CCSER1: variants seen among roughly 807,000 people sequenced by gnomAD.
CCSER1 encodes the protein coiled-coil serine rich protein 1, also known as serine-rich coiled-coil domain-containing protein 1.
CCSER1 carries 41 observed loss-of-function variants against 82.0 expected under a neutral mutation model. That is an observed-to-expected ratio of 0.50 (90% CI 0.39 to 0.65). The LOEUF (loss-of-function observed/expected upper bound fraction) is 0.65. Among genes scored for constraint, CCSER1 ranks in the 30% least tolerant of loss-of-function variants. The pLI is 0.00. For synonymous variants in CCSER1, 414 were observed against 383.9 expected (o/e 1.08, Z -0.92); for missense variants, 1,119 against 1,064.2 (o/e 1.05, Z -0.72).
intron 10 of CCSER1, among the ~76,000 whole-genome samples, chr4:91,161,673 A>T (rs144557789): frequency 0.021 from 3,180 of 152,182 alleles, 46 homozygotes; most frequent in Middle Eastern, 0.034. Flanking sequence ...CAATTGTGAA[A>T]GGGAGTTCAC....
At chr4:91,475,536 T>C (rs547710709) in intron 10 of CCSER1, among the ~76,000 whole-genome samples, 3 of 151,978 alleles carry the variant, frequency 2.0e-5, no homozygotes, top group Admixed American at 6.6e-5. Context: ...TTTTGAGATG[T>C]GTTAAGAATC....
intron 10 of CCSER1, among the ~76,000 whole-genome samples, chr4:91,546,555 AT>A (rs1418541463): frequency 2.6e-5 from 4 of 151,992 alleles, no homozygotes; most frequent in Admixed American, 6.6e-5. Context: ...CTTTATTATC[AT>A]TGTAATGTTT....
At chr4:91,236,215 C>G (rs1231971068) in intron 10 of CCSER1, among the ~76,000 whole-genome samples, 1 of 152,130 alleles carries the variant, frequency 6.6e-6, no homozygotes, top group African/African-American at 2.4e-5. Flanking sequence ...CAGCCGGGCG[C>G]AGTGGCTCAC....
chr4:90,666,081 G>A (rs990073899), intron 6 of CCSER1, among the ~76,000 whole-genome samples: 15 of 151,992 alleles, frequency 9.9e-5, no homozygotes, highest in African/African-American at 3.6e-4. Flanking sequence ...CGGCAGTTGT[G>A]CATGGAGTCT....
At chr4:91,260,770 A>AT (rs200607710) in intron 10 of CCSER1, among the ~76,000 whole-genome samples, 2,788 of 150,020 alleles carry the variant, frequency 0.019, 86 homozygotes, top group African/African-American at 0.062. Context: ...TTATTTTTTT[A>AT]TTTTTTTTGA....
chr4:90,723,835 T>G, intron 6 of CCSER1, 79 bp from the exon 7 acceptor site: 1 of 581,384 alleles, frequency 1.7e-6, no homozygotes, highest in Non-Finnish European at 2.9e-6. Context: ...TTTAATGATT[T>G]ATTTATTTTT....
intron 1 of CCSER1, among the ~76,000 whole-genome samples, chr4:90,154,479 A>G (rs1727624138): frequency 6.6e-6 from 1 of 152,094 alleles, no homozygotes; most frequent in Non-Finnish European, 1.5e-5. Flanking sequence ...CAGTATGGCC[A>G]TGTTCACGAT....
intron 10 of CCSER1, among the ~76,000 whole-genome samples, chr4:91,467,105 A>G (rs1756956673): frequency 6.6e-6 from 1 of 152,176 alleles, no homozygotes; most frequent in South Asian, 2.1e-4. Context: ...ACTTCAAACT[A>G]TACTACAAGG....
intron 10 of CCSER1, among the ~76,000 whole-genome samples, chr4:91,185,394 C>A (rs1200190012): frequency 2.6e-5 from 4 of 152,198 alleles, no homozygotes; most frequent in Non-Finnish European, 5.9e-5. Flanking sequence ...TAAACTTAAA[C>A]TAGACCTTCC....
intron 10 of CCSER1, among the ~76,000 whole-genome samples, chr4:91,413,371 G>A (rs1169240026): frequency 6.6e-6 from 1 of 152,028 alleles, no homozygotes; most frequent in Non-Finnish European, 1.5e-5. Context: ...GTAGTGGGAG[G>A]ATCACTGGTG....
At chr4:91,468,366 G>A (rs1487736409) in intron 10 of CCSER1, among the ~76,000 whole-genome samples, 1 of 152,062 alleles carries the variant, frequency 6.6e-6, no homozygotes, top group South Asian at 2.1e-4. Flanking sequence ...TGTGCAGGGA[G>A]GGGAGAGGGA....
rs555876744 is a variant in CCSER1 at position 90,695,924 on chromosome 4, C to T, written c.1933-27990C>T. On this transcript the variant is annotated intron_variant, in intron 6 of 10. Transcript: ENST00000509176. ...AGAGATGACACAAAGAGCTAGGTAA[C>T]AAAACAATAAATAAATTCAACAGTA... 4.0e-5 allele frequency among the ~76,000 whole-genome samples: 6 copies of T among 151,722 alleles called. No homozygotes were observed. The South Asian group carries it at 1.2e-3, about 32-fold the overall frequency.
intron 10 of CCSER1, among the ~76,000 whole-genome samples, chr4:91,509,224 T>C (rs1244363740): frequency 6.6e-6 from 1 of 152,022 alleles, no homozygotes; most frequent in African/African-American, 2.4e-5. Flanking sequence ...AGGATAGACA[T>C]TTACAGCTGC....
chr4:90,703,513 A>G (rs1398812103), intron 6 of CCSER1, among the ~76,000 whole-genome samples: 1 of 152,132 alleles, frequency 6.6e-6, no homozygotes, highest in Non-Finnish European at 1.5e-5. Context: ...GCTGAGTTCA[A>G]TTCCTGGATA....
intron 10 of CCSER1, among the ~76,000 whole-genome samples, chr4:91,598,317 C>T (rs1764677137): frequency 6.6e-6 from 1 of 152,024 alleles, no homozygotes. Flanking sequence ...TTCTGTGAAG[C>T]TATATAATTC....
chr4:91,144,925 A>T lies in CCSER1; in HGVS notation c.2217+58931A>T, dbSNP rs559422131. Among the ~76,000 whole-genome samples, 4 of 152,160 alleles carry T rather than the reference A, an allele frequency of 2.6e-5. No individual in the cohort carries two copies. In the South Asian group the frequency reaches 8.3e-4, roughly 32 times the overall value. ...GTATGTACTGTGTGCAGATGAGAAC[A>T]TACATTGTTTGATTTTAGGTGGAAT... On this transcript the variant is annotated intron_variant, in intron 10 of 10. Transcript: ENST00000509176.
At chr4:90,949,272 T>A (rs1732625789) in intron 9 of CCSER1, among the ~76,000 whole-genome samples, 1 of 152,132 alleles carries the variant, frequency 6.6e-6, no homozygotes, top group Admixed American at 6.6e-5. Context: ...TTTAATCTTT[T>A]CGGTTCCATC....
chr4:91,246,794 T>TA (rs1368538155), intron 10 of CCSER1, among the ~76,000 whole-genome samples: 25 of 149,896 alleles, frequency 1.7e-4, no homozygotes, highest in Middle Eastern at 6.8e-3. Flanking sequence ...TCAGAAAATT[T>TA]AAAAAAAGGC....
At chr4:90,522,023 C>A (rs1204700049) in intron 5 of CCSER1, among the ~76,000 whole-genome samples, 1 of 152,112 alleles carries the variant, frequency 6.6e-6, no homozygotes, top group Admixed American at 6.6e-5. Context: ...TACTCTCTAA[C>A]CACTCTGCCT....
Sources: gnomAD v4.1 joint callset for allele counts (sites outside exome capture counted in the v4.1 genomes callset) on GRCh38, gnomAD v4.1.1 for gene constraint, MANE v1.5 for transcripts, NCBI Gene and HGNC (gene_info 2026-07-23, HGNC 2026-07-21) for gene names.